Variants in ARSG observed in about 807,000 individuals in gnomAD.
ARSG encodes the protein arylsulfatase G.
Under a neutral mutation model 50.5 loss-of-function variants are expected in ARSG, and 37 were observed. The ratio of observed to expected loss-of-function variants is 0.73; its 90% CI spans 0.56 to 0.96. The LOEUF is 0.96. ARSG is among the 50% of genes least tolerant of loss of function. The probability of loss-of-function intolerance (pLI) is 0.00; values close to 1 mark genes in which losing one functional copy is unlikely to be tolerated. For missense variants in ARSG, 629 were observed against 675.3 expected, an observed-to-expected ratio of 0.93 and a Z score of 0.76; for synonymous variants, 225 against 254.6, an observed-to-expected ratio of 0.88 and a Z score of 1.11.
chr17:68,406,978 T>C (rs1600124408), intron 11 of ARSG, among the ~76,000 whole-genome samples: 1 of 152,252 alleles, frequency 6.6e-6, no homozygotes. Flanking sequence ...TCCAATGTTA[T>C]CTTCTAGAAT....
At chr17:68,264,997 T>C (rs2075129193) in intron 1 of ARSG, among the ~76,000 whole-genome samples, 1 of 149,780 alleles carries the variant, frequency 6.7e-6, no homozygotes, top group Admixed American at 6.7e-5. Context: ...CTACTAAAAA[T>C]ACAAAAATTA....
chr17:68,301,929 C>G (rs1382331652), intron 1 of ARSG, among the ~76,000 whole-genome samples: 2 of 152,082 alleles, frequency 1.3e-5, no homozygotes, highest in Admixed American at 6.6e-5. Context: ...AGACCACCCC[C>G]TTTAACTTTG....
At position 68,307,478 on chromosome 17, in the gene ARSG, T is replaced by C. The variant is rs376208666; in HGVS notation, c.-16T>C. ...CTGCCGTCGCTCCAGACAATCGGAA[T>C]CCTGCCTTCACCACCATGGGCTGGC... On this transcript the variant is annotated 5_prime_UTR_variant, in exon 2 of 12. Coordinates refer to ENST00000621439, the MANE Select transcript of ARSG (RefSeq NM_001267727.2). 1.2e-5 allele frequency: 19 copies of C among 1,605,606 alleles called. No individual in the cohort carries two copies. The highest frequency in any genetic ancestry group is 1.6e-5 in the Non-Finnish European group (19 of 1,173,330).
intron 1 of ARSG, chr17:68,285,762 C>G (rs1361398194): frequency 6.6e-6 from 1 of 152,066 alleles, no homozygotes; most frequent in Admixed American, 6.6e-5. Flanking sequence ...CCATGCCCAG[C>G]CAATTTTTTT....
At chr17:68,422,068 T>C, downstream of ARSG, 1 of 493,586 alleles carries the variant, frequency 2.0e-6, no homozygotes, top group South Asian at 2.6e-5. Context: ...TGTATTTATA[T>C]GTATATGTAT....
intron 1 of ARSG, chr17:68,274,090 C>T (rs546744797): frequency 6.3e-5 from 101 of 1,607,706 alleles, no homozygotes; most frequent in South Asian, 5.1e-4. Context: ...AAGAACAAAA[C>T]GATATTTTAA....
intron 11 of ARSG, among the ~76,000 whole-genome samples, chr17:68,411,089 G>A (rs1366540555): frequency 6.6e-6 from 1 of 151,990 alleles, no homozygotes; most frequent in Non-Finnish European, 1.5e-5. Flanking sequence ...TGGATTCACT[G>A]ATTTTTTGAA....
At position 68,367,573 on chromosome 17, in the gene ARSG, G is replaced by T. The variant is rs575484115; in HGVS notation, c.705-975G>T. 6.6e-6 allele frequency among the ~76,000 whole-genome samples: 1 copy of T among 152,292 alleles called. No individual in the cohort carries two copies. The highest frequency in any genetic ancestry group is 1.5e-5 in the Non-Finnish European group (1 of 68,034). On this transcript the variant is annotated intron_variant, in intron 6 of 11. Transcript: ENST00000621439. The surrounding 1 kb of genome is among the most constrained non-coding windows in gnomAD (Gnocchi z 4.5). ...TGATTCTGCAGCTGCTCTTGGCTGG[G>T]AGTAGGACTGGGACCTTTGCTTGGA... is the stretch of plus-strand genomic sequence containing the variant.
chr17:68,331,177 GTTTCTTTCTTTCTTTC>G lies in ARSG; in HGVS notation c.219-12387_219-12372del, dbSNP rs71142163. Among the ~76,000 whole-genome samples the G allele has an allele frequency of 2.0e-3, 234 of 119,026 alleles. 1 individual carries two copies. The highest frequency in any genetic ancestry group is 3.0e-3 in the Non-Finnish European group (170 of 56,628). 78.1% of individuals were successfully genotyped at this position (119,026 alleles called of 152,430 possible). ...TTTTTTGTATTTTAGCAAAGACAGG[GTTTCTTTCTTTCTTTC>G]TTTCTTTCTTTCTTTCTTTCTTTCT... On this transcript the variant is annotated intron_variant, in intron 2 of 11. Coordinates refer to ENST00000621439, the MANE Select transcript of ARSG (RefSeq NM_001267727.2).
downstream of ARSG, chr17:68,422,466 T>A (rs2082861436): frequency 6.7e-6 from 1 of 150,308 alleles, no homozygotes; most frequent in Non-Finnish European, 1.5e-5. Context: ...GCGCAGTGGC[T>A]CACACCTGTA....
At position 68,271,671 on chromosome 17, in the gene ARSG, TGAA is replaced by T. The variant is rs782537986; in HGVS notation, c.-552+12252_-552+12254del. 5.0e-6 allele frequency: 8 copies of T among 1,599,428 alleles called. No individual in the cohort carries two copies. The Admixed American group carries it at 1.2e-4, about 24-fold the overall frequency. ...CCATGATTGCTTGAATAGGCAGGAG[TGAA>T]GAAGAAATAATATAAGGTCAATAAT... On this transcript the variant is annotated intron_variant, in intron 1 of 11. Transcript: ENST00000448504. This position sits in a 1 kb window ranked among gnomAD's most constrained non-coding sequence, Gnocchi z 5.3.
chr17:68,408,635 T>TA (rs1347966541), intron 11 of ARSG, among the ~76,000 whole-genome samples: 1 of 152,214 alleles, frequency 6.6e-6, no homozygotes, highest in Non-Finnish European at 1.5e-5. Context: ...TTTGGGTATA[T>TA]ACGCAGTAAT....
chr17:68,438,200 G>A, the ARSG span, among the ~76,000 whole-genome samples: 25 of 152,148 alleles, frequency 1.6e-4, no homozygotes, highest in African/African-American at 3.9e-4. Flanking sequence ...GCATAGCTAC[G>A]GGAGGAAGTG....
At chr17:68,401,929 G>GT (rs1308792739) in intron 11 of ARSG, among the ~76,000 whole-genome samples, 2 of 152,180 alleles carry the variant, frequency 1.3e-5, no homozygotes, top group Non-Finnish European at 2.9e-5. Context: ...ATGTCATACT[G>GT]TATCAGGATG....
the ARSG span, chr17:68,450,801 T>C: frequency 6.2e-7 from 1 of 1,614,156 alleles, no homozygotes; most frequent in South Asian, 1.1e-5. Context: ...TTTCTTGAAG[T>C]GATACACGTT....
At chr17:68,321,577 T>A (rs2077284379) in intron 2 of ARSG, among the ~76,000 whole-genome samples, 1 of 152,176 alleles carries the variant, frequency 6.6e-6, no homozygotes. Flanking sequence ...GAACACCCCA[T>A]CATCTATTTT....
chr17:68,406,169 A>G (rs2147284427), intron 11 of ARSG, among the ~76,000 whole-genome samples: 1 of 152,254 alleles, frequency 6.6e-6, no homozygotes, highest in East Asian at 1.9e-4. Context: ...GAGTTACTTC[A>G]CTTAGAATAA....
chr17:68,386,394 A>T (rs904733320), intron 9 of ARSG, among the ~76,000 whole-genome samples: 2 of 152,144 alleles, frequency 1.3e-5, no homozygotes, highest in African/African-American at 4.8e-5. Flanking sequence ...GGCAAGCTTC[A>T]TTGGCACCCT....
At chr17:68,441,706 C>T in the ARSG span, among the ~76,000 whole-genome samples, 1 of 152,162 alleles carries the variant, frequency 6.6e-6, no homozygotes, top group African/African-American at 2.4e-5. Context: ...CCCACCTTTG[C>T]CCACCCAGGC....
Sources: allele counts gnomAD v4.1 joint callset (sites outside exome capture counted in the v4.1 genomes callset), GRCh38; gene constraint gnomAD v4.1.1; non-coding constraint Gnocchi (gnomAD v3.1); transcripts MANE v1.5; gene names NCBI Gene and HGNC (gene_info 2026-07-23, HGNC 2026-07-21).